PTPN21: variants seen among roughly 807,000 people sequenced by gnomAD.
The protein encoded by PTPN21 is tyrosine-protein phosphatase non-receptor type 21.
In PTPN21, 77 loss-of-function variants were observed where a neutral mutation model predicts 131.8. The ratio of observed to expected loss-of-function variants is 0.58; its 90% confidence interval spans 0.49 to 0.71. The LOEUF (loss-of-function observed/expected upper bound fraction) is 0.71. Ranked by LOEUF, PTPN21 falls within the 30% of genes least tolerant of loss-of-function variation. The pLI is 0.00. For synonymous variants in PTPN21, 715 were observed against 621.3 expected (o/e 1.15, Z -2.24); for missense variants, 1,552 against 1,527.1 (o/e 1.02, Z -0.27).
At chr14:88,482,039 G>A (rs1301242012) in intron 12 of PTPN21, among the ~76,000 whole-genome samples, 1 of 152,238 alleles carries the variant, frequency 6.6e-6, no homozygotes, top group Admixed American at 6.5e-5. Flanking sequence ...AGTGTGCAAC[G>A]GACAGGTGAC....
At chr14:88,511,106 G>A (rs1379206337) in intron 3 of PTPN21, among the ~76,000 whole-genome samples, 1 of 151,934 alleles carries the variant, frequency 6.6e-6, no homozygotes, top group African/African-American at 2.4e-5. Context: ...TGTAGAAACA[G>A]GGTCTCTCTA....
chr14:88,500,919 G>A (rs772038587), intron 7 of PTPN21, 48 bp from the exon 8 acceptor site: 8 of 1,358,616 alleles, frequency 5.9e-6, no homozygotes, highest in Non-Finnish European at 8.4e-6. Flanking sequence ...CAGATGCAGA[G>A]GAACTGCTGC....
chr14:88,522,218 G>A (rs1011081044), intron 2 of PTPN21, among the ~76,000 whole-genome samples: 2 of 152,072 alleles, frequency 1.3e-5, no homozygotes, highest in African/African-American at 4.8e-5. Flanking sequence ...CTTGAGGTCA[G>A]GAGTTCGAGA....
At chr14:88,521,740 A>G (rs1290498932) in intron 2 of PTPN21, among the ~76,000 whole-genome samples, 2 of 152,082 alleles carry the variant, frequency 1.3e-5, no homozygotes, top group African/African-American at 4.8e-5. Flanking sequence ...CAAAATGAAA[A>G]GGTCTTAAAA....
intron 9 of PTPN21, among the ~76,000 whole-genome samples, chr14:88,496,830 A>G (rs563606725): frequency 2.0e-4 from 31 of 152,356 alleles, no homozygotes; most frequent in Non-Finnish European, 4.0e-4. Context: ...CAGTAACTCA[A>G]TATTGCCTTT....
chr14:88,494,116 T>C lies in PTPN21; in HGVS notation c.932+2297A>G, dbSNP rs564544005. 2.5e-4 allele frequency among the ~76,000 whole-genome samples: 38 copies of C among 152,110 alleles called. No homozygotes were observed. In the South Asian group the frequency reaches 7.3e-3, roughly 29 times the overall value. On this transcript the variant is annotated intron_variant, in intron 10 of 18. Coordinates refer to ENST00000556564, the MANE Select transcript of PTPN21 (RefSeq NM_007039.4). ...AGTTAGAGGGTAAAGAGACAGATCA[T>C]AGTGGAAGGGGGGTACCATAGGACA...
Position 88,468,042 on chromosome 14 carries a change from A to G in PTPN21, c.*95T>C, listed in dbSNP as rs1482355093. Reference sequence around the variant, plus strand: ...TACGTCCCAGTGCCACGCTGCGTGGATCAAGTGTCAACGGGAAAGTATGAG... The same window carrying G: ...TACGTCCCAGTGCCACGCTGCGTGGGTCAAGTGTCAACGGGAAAGTATGAG... On this transcript the variant is annotated 3_prime_UTR_variant, in exon 19 of 19. Transcript: ENST00000556564. 6.8e-7 allele frequency: 1 copy of G among 1,465,300 alleles called. No homozygotes were observed. The highest frequency in any genetic ancestry group is 9.5e-7 in the Non-Finnish European group (1 of 1,054,586). The allele number at this position is 1,465,300 out of a possible 1,614,324, so 90.8% of individuals were successfully genotyped here.
In PTPN21 at chr14:88,497,757, C is replaced by T. The variant is rs557417370; in HGVS notation, c.765-467G>A. Among the ~76,000 whole-genome samples, 16 of 151,514 alleles carry T rather than the reference C, an allele frequency of 1.1e-4. No individual in the cohort carries two copies. The East Asian group carries it at 2.0e-3, about 19-fold the overall frequency. ...TCGCACCACTGCACTCCAACCTGGGCGACAGAGTGAGACACTGCCTCAAAC... is the reference window on the plus strand; with the variant it reads ...TCGCACCACTGCACTCCAACCTGGGTGACAGAGTGAGACACTGCCTCAAAC... On this transcript the variant is annotated intron_variant, in intron 8 of 18. Coordinates refer to ENST00000556564, the MANE Select transcript of PTPN21 (RefSeq NM_007039.4).
At chr14:88,552,456 A>G (rs1482641426) in intron 1 of PTPN21, 1 of 152,242 alleles carries the variant, frequency 6.6e-6, no homozygotes, top group African/African-American at 2.4e-5. Flanking sequence ...GATTACAACC[A>G]TGCTATAATT....
chr14:88,481,854 T>C (rs996032086), intron 12 of PTPN21, among the ~76,000 whole-genome samples: 2 of 152,152 alleles, frequency 1.3e-5, no homozygotes, highest in Non-Finnish European at 2.9e-5. Flanking sequence ...CCCCTTGATA[T>C]CAGGCACAAC....
At chr14:88,495,456 T>A (rs1301130280) in intron 10 of PTPN21, among the ~76,000 whole-genome samples, 1 of 152,068 alleles carries the variant, frequency 6.6e-6, no homozygotes, top group Non-Finnish European at 1.5e-5. Flanking sequence ...AGGTTGGAAG[T>A]TCAAGACCAG....
rs565282918 is a variant in PTPN21 at position 88,486,842 on chromosome 14, G to A, written c.933-1000C>T. On this transcript the variant is annotated intron_variant, in intron 10 of 18. Coordinates refer to ENST00000556564, the MANE Select transcript of PTPN21 (RefSeq NM_007039.4). ...AATACAAAAACTAGCTGGGCATGGT[G>A]GTGGGTGCCTATAATCCCAGCTACT... Among the ~76,000 whole-genome samples, 66 of 152,126 alleles carry A rather than the reference G, an allele frequency of 4.3e-4. 1 individual carries two copies. In the South Asian group the frequency reaches 0.014, roughly 31 times the overall value.
chr14:88,482,915 T>A (rs1470349641), intron 12 of PTPN21, among the ~76,000 whole-genome samples: 1 of 151,078 alleles, frequency 6.6e-6, no homozygotes, highest in African/African-American at 2.4e-5. Flanking sequence ...AGAGTACTCT[T>A]ATAAGTCAGT....
At chr14:88,543,686 C>T (rs1032789823) in intron 2 of PTPN21, among the ~76,000 whole-genome samples, 2 of 152,092 alleles carry the variant, frequency 1.3e-5, no homozygotes, top group South Asian at 2.1e-4. Context: ...TTGTGTGTAA[C>T]GCACTAAACA....
Position 88,469,860 on chromosome 14 carries a change from A to T in PTPN21, c.3000+62T>A, listed in dbSNP as rs1326817771. On this transcript the variant is annotated intron_variant, in intron 16 of 18. Transcript: ENST00000556564. This position sits in a 1 kb window ranked among gnomAD's most constrained non-coding sequence, Gnocchi z 4.3. ...TTTTCTCCACAGGTCAGGATTCCAGATGATTAACATTAACTGTTCTTCAGA... is the reference window on the plus strand; with the variant it reads ...TTTTCTCCACAGGTCAGGATTCCAGTTGATTAACATTAACTGTTCTTCAGA... The T allele has an allele frequency of 1.2e-6, 2 of 1,609,970 alleles. No homozygotes were observed. The highest frequency in any genetic ancestry group is 2.2e-5 in the South Asian group (2 of 90,994).
chr14:88,500,983 G>A (rs2077999576), intron 7 of PTPN21, 112 bp from the exon 8 acceptor site: 2 of 769,990 alleles, frequency 2.6e-6, no homozygotes, highest in East Asian at 2.5e-5. Flanking sequence ...GACCTACAGA[G>A]TAACTATTCA....
chr14:88,553,809 T>C (rs1265709000), intron 1 of PTPN21, among the ~76,000 whole-genome samples: 1 of 152,260 alleles, frequency 6.6e-6, no homozygotes, highest in East Asian at 1.9e-4. Context: ...CCCTTTCCTA[T>C]TAAGGTCCTT....
intron 2 of PTPN21, among the ~76,000 whole-genome samples, chr14:88,526,944 T>A (rs771333937): frequency 6.6e-6 from 1 of 152,210 alleles, no homozygotes; most frequent in Non-Finnish European, 1.5e-5. Flanking sequence ...CTTAGAATAA[T>A]GGTCTCCAAC....
intron 1 of PTPN21, chr14:88,552,617 G>A (rs1214639288): frequency 6.6e-6 from 1 of 152,252 alleles, no homozygotes; most frequent in Middle Eastern, 3.4e-3. Context: ...AAAAAACAAC[G>A]CTGCAACTAC....
Sources: allele counts gnomAD v4.1 joint callset (sites outside exome capture counted in the v4.1 genomes callset), GRCh38; gene constraint gnomAD v4.1.1; non-coding constraint Gnocchi (gnomAD v3.1); transcripts MANE v1.5; gene names NCBI Gene and HGNC (gene_info 2026-07-23, HGNC 2026-07-21).